SIL1: variants seen among roughly 807,000 people sequenced by gnomAD.
The protein encoded by SIL1 is SIL1 nucleotide exchange factor.
A neutral mutation model predicts 49.1 loss-of-function variants in SIL1; 40 were observed. The ratio of observed to expected loss-of-function variants is 0.81; its 90% CI spans 0.63 to 1.06. The LOEUF (loss-of-function observed/expected upper bound fraction) is 1.06. SIL1 is among the 50% of genes least tolerant of loss of function. The probability of loss-of-function intolerance (pLI) is 0.00; values close to 1 mark genes in which losing one functional copy is unlikely to be tolerated. For synonymous variants in SIL1, 253 were observed against 250.8 expected, an observed-to-expected ratio of 1.01 and a Z score of -0.08; for missense variants, 500 against 572.6, an observed-to-expected ratio of 0.87 and a Z score of 1.29.
chr5:138,988,136 TTTTTTAC>T (rs1302783406), intron 7 of SIL1, among the ~76,000 whole-genome samples: 18 of 152,134 alleles, frequency 1.2e-4, no homozygotes, highest in Admixed American at 3.3e-4. Flanking sequence ...CCTGGCCAAG[TTTTTTAC>T]TTTTTACTTT....
At chr5:139,074,215 C>A (rs1369289622) in intron 3 of SIL1, among the ~76,000 whole-genome samples, 1 of 152,114 alleles carries the variant, frequency 6.6e-6, no homozygotes, top group Non-Finnish European at 1.5e-5. Context: ...CATCACCACA[C>A]CCAGCTAATG....
intron 3 of SIL1, among the ~76,000 whole-genome samples, chr5:139,090,851 C>A (rs576728228): frequency 6.6e-6 from 1 of 152,232 alleles, no homozygotes; most frequent in Non-Finnish European, 1.5e-5. Context: ...ATCCATCTGC[C>A]CACCTCAGCC....
At chr5:139,008,725 T>C (rs926298491) in intron 7 of SIL1, among the ~76,000 whole-genome samples, 1 of 151,240 alleles carries the variant, frequency 6.6e-6, no homozygotes, top group African/African-American at 2.4e-5. Flanking sequence ...ATGTACCCAG[T>C]AGTCATTCAG....
intron 3 of SIL1, among the ~76,000 whole-genome samples, chr5:139,084,400 A>G (rs1480206990): frequency 9.3e-6 from 1 of 107,056 alleles, no homozygotes. Flanking sequence ...TCCAACAATG[A>G]TAGACTGGAT....
At chr5:139,195,645 C>T (rs1752254218) in intron 1 of SIL1, among the ~76,000 whole-genome samples, 1 of 152,190 alleles carries the variant, frequency 6.6e-6, no homozygotes, top group Non-Finnish European at 1.5e-5. Flanking sequence ...CCTTGGCCTC[C>T]CAAAGTGCTG....
At chr5:139,124,311 G>C (rs554321515) in intron 2 of SIL1, among the ~76,000 whole-genome samples, 29 of 152,072 alleles carry the variant, frequency 1.9e-4, no homozygotes, top group Non-Finnish European at 1.2e-4. Flanking sequence ...ATGAACCACC[G>C]AGCTACATGC....
chr5:139,109,938 A>C (rs1302146034), intron 3 of SIL1, among the ~76,000 whole-genome samples: 1 of 151,976 alleles, frequency 6.6e-6, no homozygotes, highest in African/African-American at 2.4e-5. Flanking sequence ...TGGGAGGACA[A>C]GGCTGGCAGA....
intron 3 of SIL1, among the ~76,000 whole-genome samples, chr5:139,059,337 T>C (rs918674839): frequency 1.3e-5 from 2 of 152,194 alleles, no homozygotes; most frequent in East Asian, 1.9e-4. Context: ...TGTAAAGACA[T>C]GACTTTGCTA....
intron 1 of SIL1, among the ~76,000 whole-genome samples, chr5:139,191,842 C>T (rs943812698): frequency 1.4e-4 from 21 of 151,666 alleles, no homozygotes; most frequent in Non-Finnish European, 1.3e-4. Flanking sequence ...TTTGGAAGGC[C>T]GAGGCCGGCA....
chr5:139,169,038 CA>C (rs1751681073), intron 1 of SIL1, among the ~76,000 whole-genome samples: 1 of 151,794 alleles, frequency 6.6e-6, no homozygotes, highest in South Asian at 2.1e-4. Flanking sequence ...CCCAGCTACT[CA>C]AAAGGCTGGG....
At chr5:139,176,168 C>T (rs933542947) in intron 1 of SIL1, among the ~76,000 whole-genome samples, 1 of 152,084 alleles carries the variant, frequency 6.6e-6, no homozygotes, top group Non-Finnish European at 1.5e-5. Context: ...GACTCTTTGC[C>T]ACTTCATAAG....
chr5:138,999,706 T>G (rs1767946503), intron 7 of SIL1, among the ~76,000 whole-genome samples: 1 of 152,216 alleles, frequency 6.6e-6, no homozygotes, highest in Non-Finnish European at 1.5e-5. Context: ...TTTTATATAC[T>G]GCCATTTTAC....
At chr5:139,048,155 CTTAT>C (rs1344325520) in intron 4 of SIL1, among the ~76,000 whole-genome samples, 1 of 151,680 alleles carries the variant, frequency 6.6e-6, no homozygotes, top group African/African-American at 2.4e-5. Flanking sequence ...ATATATTTTG[CTTAT>C]TTATTTTTTC....
intron 1 of SIL1, chr5:139,133,355 T>A (rs1750905272): frequency 6.6e-6 from 1 of 152,258 alleles, no homozygotes; most frequent in Admixed American, 6.5e-5. Flanking sequence ...GCCAGCTTAC[T>A]GCAGCCCAGA....
intron 5 of SIL1, among the ~76,000 whole-genome samples, chr5:139,031,688 G>C (rs1768796415): frequency 6.6e-6 from 1 of 152,264 alleles, no homozygotes; most frequent in East Asian, 1.9e-4. Context: ...TATACATTCA[G>C]AGAGAGTTAA....
chr5:139,082,921 G>C (rs530924414), intron 3 of SIL1, among the ~76,000 whole-genome samples: 1 of 152,128 alleles, frequency 6.6e-6, no homozygotes, highest in Non-Finnish European at 1.5e-5. Flanking sequence ...AGTCCCTCCC[G>C]AACTAGACGA....
chr5:139,007,694 CTT>C (rs1768154482), intron 7 of SIL1, among the ~76,000 whole-genome samples: 1 of 126,280 alleles, frequency 7.9e-6, no homozygotes, highest in Non-Finnish European at 1.6e-5. Context: ...TTGTCAAAGG[CTT>C]TTTCTGCATC....
Position 139,004,368 on chromosome 5 carries a change from G to A in SIL1, c.767+16803C>T, listed in dbSNP as rs112482180. Among the ~76,000 whole-genome samples the A allele has an allele frequency of 4.5e-3, 683 of 152,170 alleles. 1 individual carries two copies. Among genetic ancestry groups the A allele is most frequent in the African/African-American group, 0.016 (651 of 41,506 alleles). ...AGAAATGGATTTCTCCTGAATCACT[G>A]TGCATGGGATTCAGTGGATTTCCTG... On this transcript the variant is annotated intron_variant, in intron 7 of 9. Transcript: ENST00000394817.
intron 3 of SIL1, among the ~76,000 whole-genome samples, chr5:139,096,114 T>A (rs1770456786): frequency 6.6e-6 from 1 of 152,158 alleles, no homozygotes; most frequent in Non-Finnish European, 1.5e-5. Context: ...GTATGAAGAA[T>A]GTCTCTGGGC....
Sources: allele counts gnomAD v4.1 joint callset (sites outside exome capture counted in the v4.1 genomes callset), GRCh38; gene constraint gnomAD v4.1.1; transcripts MANE v1.5; gene names NCBI Gene and HGNC (gene_info 2026-07-23, HGNC 2026-07-21).